ITPRID1: variants seen among roughly 807,000 people sequenced by gnomAD.
ITPRID1 encodes ITPR interacting domain containing 1.
Under a neutral mutation model 95.4 loss-of-function variants are expected in ITPRID1, and 96 were observed. The observed-to-expected ratio is 1.01, with a 90% confidence interval of 0.85 to 1.19. The LOEUF (loss-of-function observed/expected upper bound fraction) is 1.19. ITPRID1 is among the 50% of genes most tolerant of loss of function. The probability of loss-of-function intolerance (pLI) is 0.00; values close to 1 mark genes in which losing one functional copy is unlikely to be tolerated. For missense variants in ITPRID1, 1,339 were observed against 1,252.9 expected (o/e 1.07, Z -1.04); for synonymous variants, 510 against 453.6 (o/e 1.12, Z -1.58).
At position 31,652,807 on chromosome 7, in the gene ITPRID1, A is replaced by T. The variant is rs1198177928; in HGVS notation, c.3113A>T (p.Lys1038Met). 6.2e-7 allele frequency: 1 copy of T among 1,613,214 alleles called. No homozygotes were observed. The highest frequency in any genetic ancestry group is 1.3e-5 in the African/African-American group (1 of 75,032). The change falls in exon 15 of 15, where the codon AAG becomes ATG. Residue 1038 changes from lysine (K) to methionine (M), a missense_variant. By Grantham distance (95) the Lys-to-Met change is moderately conservative. Coordinates refer to ENST00000615280, the MANE Select transcript of ITPRID1 (RefSeq NM_001257967.3). ...TTGTCAAATTGTCCTGTTGGAGAAA[A>T]GGATGCAGATGTCTTCCTCTAGATC... Reference protein sequence around the residue: ...TPLSNCPVGEKDADVFL With the variant: ...TPLSNCPVGEMDADVFL
At chr7:31,609,265 G>A (rs756557255) in intron 10 of ITPRID1, among the ~76,000 whole-genome samples, 1 of 151,430 alleles carries the variant, frequency 6.6e-6, no homozygotes, top group Non-Finnish European at 1.5e-5. Flanking sequence ...TATTCACAAG[G>A]ATTTTTCTGG....
Position 31,549,516 on chromosome 7 carries a change from T to C in ITPRID1, c.-24+17T>C, listed in dbSNP as rs1462227554. ...ATATGAGTGGTGATTGTTTTGGATA[T>C]ATTTTTCATTAAATTTTCCCAAAAA... On this transcript the variant is annotated intron_variant, in intron 2 of 14. Transcript: ENST00000615280. 5 of 1,511,428 alleles carry C rather than the reference T, an allele frequency of 3.3e-6. No homozygotes were observed. In the East Asian group the frequency reaches 9.9e-5, roughly 30 times the overall value. The allele number at this position is 1,511,428 out of a possible 1,614,324, so 93.6% of individuals were successfully genotyped here.
intron 10 of ITPRID1, among the ~76,000 whole-genome samples, chr7:31,634,877 G>A (rs781122599): frequency 6.6e-6 from 1 of 152,136 alleles, no homozygotes; most frequent in Non-Finnish European, 1.5e-5. Flanking sequence ...TGGCTCCTTC[G>A]GCATATTGAG....
At chr7:31,566,270 T>C (rs2128141552) in intron 5 of ITPRID1, among the ~76,000 whole-genome samples, 1 of 152,322 alleles carries the variant, frequency 6.6e-6, no homozygotes, top group East Asian at 1.9e-4. Flanking sequence ...TGAAAACGGA[T>C]CATTTCCTCT....
At chr7:31,604,835 G>T (rs1464774842) in intron 10 of ITPRID1, among the ~76,000 whole-genome samples, 1 of 152,112 alleles carries the variant, frequency 6.6e-6, no homozygotes. Flanking sequence ...TTGGAAGGAG[G>T]TTAGAAAATA....
chr7:31,625,832 T>A (rs1054820138), intron 10 of ITPRID1, among the ~76,000 whole-genome samples: 2 of 148,282 alleles, frequency 1.3e-5, no homozygotes, highest in African/African-American at 4.9e-5. Context: ...TTTTTTTAAA[T>A]TTTTTCTTTA....
intron 13 of ITPRID1, 117 bp downstream of exon 13, chr7:31,651,386 C>T (rs1790936480): frequency 2.5e-6 from 3 of 1,207,414 alleles, no homozygotes; most frequent in Non-Finnish European, 3.3e-6. Context: ...AACCGGCCAG[C>T]TTTTCCTTTG....
intron 10 of ITPRID1, among the ~76,000 whole-genome samples, chr7:31,605,131 C>A (rs1361500698): frequency 2.7e-5 from 2 of 74,254 alleles, no homozygotes; most frequent in African/African-American, 1.0e-4. Context: ...GAGGGAGACC[C>A]CATCTCAAAA....
intron 5 of ITPRID1, among the ~76,000 whole-genome samples, chr7:31,563,438 T>G (rs56116000): frequency 6.6e-6 from 1 of 151,976 alleles, no homozygotes; most frequent in Non-Finnish European, 1.5e-5. Context: ...TGGAGTGTCA[T>G]CTCAGGTTCC....
chr7:31,519,627 T>TCTCC (rs1562543161), intron 1 of ITPRID1, among the ~76,000 whole-genome samples: 3 of 112,684 alleles, frequency 2.7e-5, no homozygotes, highest in Admixed American at 9.6e-5. Flanking sequence ...TCTCTATATA[T>TCTCC]ATATATATAT....
chr7:31,538,203 A>G (rs1783822679), intron 1 of ITPRID1, among the ~76,000 whole-genome samples: 2 of 151,996 alleles, frequency 1.3e-5, no homozygotes, highest in South Asian at 4.1e-4. Context: ...CTTTAATTGT[A>G]CATTTTACTT....
intron 1 of ITPRID1, among the ~76,000 whole-genome samples, chr7:31,544,896 A>G (rs774872250): frequency 6.6e-6 from 1 of 152,186 alleles, no homozygotes; most frequent in African/African-American, 2.4e-5. Context: ...CAGAGTTAGA[A>G]GCAATCATTC....
At chr7:31,599,300 G>A (rs1462908868) in intron 10 of ITPRID1, among the ~76,000 whole-genome samples, 1 of 152,118 alleles carries the variant, frequency 6.6e-6, no homozygotes, top group Non-Finnish European at 1.5e-5. Flanking sequence ...TAAATTAATC[G>A]TAGTTGGGTA....
intron 10 of ITPRID1, among the ~76,000 whole-genome samples, chr7:31,590,052 G>A (rs149750629): frequency 1.2e-4 from 18 of 152,100 alleles, no homozygotes; most frequent in Admixed American, 3.3e-4. Flanking sequence ...ATATATGTGT[G>A]TATATATATA....
Position 31,654,480 on chromosome 7 carries a change from T to A in ITPRID1, c.*1651T>A, listed in dbSNP as rs1791197795. Among the ~76,000 whole-genome samples, 1 of 152,154 alleles carries A rather than the reference T, an allele frequency of 6.6e-6. No individual in the cohort carries two copies. The highest frequency in any genetic ancestry group is 1.5e-5 in the Non-Finnish European group (1 of 68,022). On this transcript the variant is annotated 3_prime_UTR_variant, in exon 15 of 15. Transcript: ENST00000615280. ...AAGCAGGGTCGTCATATAATCTGAT[T>A]TACGTTTTGAAGTCATGCTGGCTGC...
intron 5 of ITPRID1, among the ~76,000 whole-genome samples, chr7:31,565,755 A>AAATAAAAAATAAG (rs1352632769): frequency 2.0e-5 from 3 of 152,044 alleles, no homozygotes; most frequent in Middle Eastern, 3.2e-3. Flanking sequence ...TAAAAAATAA[A>AAATAAAAAATAAG]AAAGTACAGG....
rs1397942321 is a variant in ITPRID1, at chr7:31,551,392, A to G, written c.-23-1610A>G. Among the ~76,000 whole-genome samples, 4 of 144,150 alleles carry G rather than the reference A, an allele frequency of 2.8e-5. 1 individual carries two copies. Among genetic ancestry groups the G allele is most frequent in the Non-Finnish European group, 4.7e-5 (3 of 63,892 alleles). 94.6% of individuals were successfully genotyped at this position (144,150 alleles called of 152,430 possible). A position where few individuals can be genotyped will look rare whatever the true frequency, so the allele number is the denominator to read the frequency against. On this transcript the variant is annotated intron_variant, in intron 2 of 14. Coordinates refer to ENST00000615280, the MANE Select transcript of ITPRID1 (RefSeq NM_001257967.3). ...AAACAATTCTCCAAAGGTTAGGAACATAATTCAGTCTGCATTATTCTGTCT... is the reference window on the plus strand; with the variant it reads ...AAACAATTCTCCAAAGGTTAGGAACGTAATTCAGTCTGCATTATTCTGTCT...
chr7:31,637,090 A>T (rs368660242), intron 10 of ITPRID1, among the ~76,000 whole-genome samples: 1,719 of 151,896 alleles, frequency 0.011, 13 homozygotes, highest in Middle Eastern at 0.024. Flanking sequence ...GGCTGCATAG[A>T]ATTCCATGGT....
At chr7:31,566,205 G>GGGCTAGGGTTTTTGAAAACTCAGCAA (rs1784793987) in intron 5 of ITPRID1, among the ~76,000 whole-genome samples, 4 of 152,172 alleles carry the variant, frequency 2.6e-5, no homozygotes, top group African/African-American at 9.7e-5. Flanking sequence ...ATTTTCTGCA[G>GGGCTAGGGTTTTTGAAAACTCAGCAA]GGCTAGGGTT....
Sources: gnomAD v4.1 joint callset for allele counts (sites outside exome capture counted in the v4.1 genomes callset) on GRCh38, gnomAD v4.1.1 for gene constraint, MANE v1.5 for transcripts, NCBI Gene and HGNC (gene_info 2026-07-23, HGNC 2026-07-21) for gene names.